Variants in TEC observed in about 807,000 individuals in gnomAD.
The protein encoded by TEC is tyrosine-protein kinase Tec.
Under a neutral mutation model 93.0 loss-of-function variants are expected in TEC, and 72 were observed. The ratio of observed to expected loss-of-function variants is 0.77; its 90% CI spans 0.64 to 0.94. The LOEUF (loss-of-function observed/expected upper bound fraction) is 0.94, where lower values mean the gene tolerates loss of function less well. Among genes scored for constraint, TEC ranks in the 40% least tolerant of loss-of-function variants. The probability of loss-of-function intolerance (pLI) is 0.00; values close to 1 mark genes in which losing one functional copy is unlikely to be tolerated. For missense variants in TEC, 630 were observed against 757.9 expected (o/e 0.83, Z 1.98); for synonymous variants, 249 against 247.7 (o/e 1.01, Z -0.05).
intron 2 of TEC, among the ~76,000 whole-genome samples, chr4:48,186,941 G>C (rs1392379138): frequency 6.6e-6 from 1 of 152,276 alleles, no homozygotes; most frequent in Non-Finnish European, 1.5e-5. Flanking sequence ...GTACCCAACA[G>C]CTCATTGAGA....
rs755464733 is a variant in TEC, at chr4:48,138,628, A to G, written c.1812+37T>C. 20 of 1,572,882 alleles carry G rather than the reference A, an allele frequency of 1.3e-5. No homozygotes were observed. In the Admixed American group the frequency reaches 3.5e-4, roughly 28 times the overall value. On this transcript the variant is annotated intron_variant, in intron 17 of 17. Transcript: ENST00000381501. The stretch of plus-strand genomic sequence containing the variant: ...TATCCATCTACCAAGCCCAATCCCT[A>G]AGAGATTCAAAAAGAAAGCACACAA...
At chr4:48,258,590 T>C (rs1480444461) in intron 1 of TEC, among the ~76,000 whole-genome samples, 1 of 152,224 alleles carries the variant, frequency 6.6e-6, no homozygotes, top group Non-Finnish European at 1.5e-5. Flanking sequence ...TTCAACCATA[T>C]CTGTATTCTG....
intron 2 of TEC, among the ~76,000 whole-genome samples, chr4:48,201,930 A>G (rs1256761702): frequency 6.6e-6 from 1 of 151,326 alleles, no homozygotes; most frequent in African/African-American, 2.4e-5. Flanking sequence ...CCAGGCTGCC[A>G]GATTCCAAAG....
intron 2 of TEC, among the ~76,000 whole-genome samples, chr4:48,182,694 C>T (rs754277817): frequency 4.6e-5 from 7 of 152,146 alleles, no homozygotes; most frequent in Non-Finnish European, 1.0e-4. Context: ...TTAAACTACA[C>T]ATCAACTGAA....
intron 2 of TEC, among the ~76,000 whole-genome samples, chr4:48,189,592 G>T (rs1722020931): frequency 6.6e-6 from 1 of 152,186 alleles, no homozygotes; most frequent in African/African-American, 2.4e-5. Context: ...TTTCAGCCTA[G>T]AATGGTGCAT....
At chr4:48,260,446 T>C (rs1724471329) in intron 1 of TEC, among the ~76,000 whole-genome samples, 1 of 152,130 alleles carries the variant, frequency 6.6e-6, no homozygotes, top group African/African-American at 2.4e-5. Context: ...ATGAGCTGGA[T>C]GCAGTCATAT....
At chr4:48,247,131 T>G (rs1451711458) in intron 1 of TEC, among the ~76,000 whole-genome samples, 1 of 113,008 alleles carries the variant, frequency 8.8e-6, no homozygotes, top group Non-Finnish European at 2.3e-5. Context: ...TCAGCAAACA[T>G]ATAAAAAAAT....
intron 3 of TEC, among the ~76,000 whole-genome samples, chr4:48,173,490 T>C (rs6845196): frequency 0.31 from 47,185 of 152,092 alleles, 8,002 homozygotes; most frequent in Non-Finnish European, 0.38. Flanking sequence ...GATCACACAA[T>C]GTTGGCCTCT....
rs1720939466 is a variant in TEC, at chr4:48,167,936, T to TG, written c.512dup (p.Ile172AsnfsTer8). ...TATTATCTTCTTCTTCTAGTGGAAT[T>TG]GGTGGGGGAGGCCTTCGCTAGACAA... On this transcript the variant is annotated frameshift_variant, in exon 7 of 18. Transcript: ENST00000381501. LOFTEE classifies it high-confidence loss of function. 6.2e-7 allele frequency: 1 copy of TG among 1,613,840 alleles called. No individual in the cohort carries two copies. The highest frequency in any genetic ancestry group is 8.5e-7 in the Non-Finnish European group (1 of 1,179,852).
intron 5 of TEC, 124 bp from the exon 6 acceptor site, chr4:48,168,750 A>G (rs1720979736): frequency 7.8e-6 from 7 of 901,334 alleles, no homozygotes; most frequent in Non-Finnish European, 1.2e-5. Context: ...ACTCTGACCA[A>G]CTCTGGTGTA....
At chr4:48,207,618 C>CAA (rs34141042) in intron 2 of TEC, among the ~76,000 whole-genome samples, 17,595 of 102,344 alleles carry the variant, frequency 0.17, 1,706 homozygotes, top group Middle Eastern at 0.26. Context: ...CATGTCTCTA[C>CAA]AAAAAAAAAA....
intron 1 of TEC, among the ~76,000 whole-genome samples, chr4:48,238,296 T>C (rs1233841019): frequency 6.6e-6 from 1 of 152,214 alleles, no homozygotes; most frequent in African/African-American, 2.4e-5. Context: ...TCTTAAAGTC[T>C]TATATATTTC....
intron 2 of TEC, among the ~76,000 whole-genome samples, chr4:48,203,074 G>A (rs1336145277): frequency 6.6e-6 from 1 of 152,148 alleles, no homozygotes; most frequent in South Asian, 2.1e-4. Flanking sequence ...AAAGAACTTG[G>A]ATTTTATGGC....
chr4:48,187,220 T>C (rs1191712395), intron 2 of TEC, among the ~76,000 whole-genome samples: 1 of 152,180 alleles, frequency 6.6e-6, no homozygotes, highest in Non-Finnish European at 1.5e-5. Flanking sequence ...GTTAAACAGA[T>C]GCTTGAAGGC....
At chr4:48,181,603 G>A (rs12108541) in intron 2 of TEC, among the ~76,000 whole-genome samples, 3,468 of 151,496 alleles carry the variant, frequency 0.023, 127 homozygotes, top group African/African-American at 0.073. Context: ...AACCTGGGAG[G>A]CAGAGGTTGC....
At chr4:48,250,806 G>A (rs947142629) in intron 1 of TEC, among the ~76,000 whole-genome samples, 4 of 152,166 alleles carry the variant, frequency 2.6e-5, no homozygotes, top group Non-Finnish European at 5.9e-5. Flanking sequence ...ACATGGGCAA[G>A]CCCAGTTAAG....
intron 3 of TEC, among the ~76,000 whole-genome samples, chr4:48,173,297 TC>T (rs1243098408): frequency 2.6e-5 from 4 of 151,768 alleles, no homozygotes. Context: ...GCTAACCGCC[TC>T]CCCCCACCAA....
chr4:48,259,267 T>C (rs1236595519), intron 1 of TEC, among the ~76,000 whole-genome samples: 1 of 152,200 alleles, frequency 6.6e-6, no homozygotes, highest in Admixed American at 6.5e-5. Context: ...ATAGTTAACT[T>C]AGAAATCCAT....
intron 7 of TEC, among the ~76,000 whole-genome samples, chr4:48,165,272 C>T (rs1002720879): frequency 6.6e-6 from 1 of 152,182 alleles, no homozygotes; most frequent in African/African-American, 2.4e-5. Flanking sequence ...CCATTGTTAT[C>T]ACTAGAGAAA....
Sources: allele counts gnomAD v4.1 joint callset (sites outside exome capture counted in the v4.1 genomes callset), GRCh38; gene constraint gnomAD v4.1.1; transcripts MANE v1.5; gene names NCBI Gene and HGNC (gene_info 2026-07-23, HGNC 2026-07-21).